STK32B: variants seen among roughly 807,000 people sequenced by gnomAD.
The protein encoded by STK32B is serine/threonine kinase 32B.
Under a neutral mutation model 52.6 loss-of-function variants are expected in STK32B, and 43 were observed. The observed-to-expected ratio is 0.82, with a 90% CI of 0.64 to 1.05. The LOEUF (loss-of-function observed/expected upper bound fraction) is 1.05, where lower values mean the gene tolerates loss of function less well. Ranked by LOEUF, STK32B falls within the 50% of genes least tolerant of loss-of-function variation. STK32B has a pLI of 0.00. For synonymous variants in STK32B, 238 were observed against 204.3 expected (o/e 1.17, Z -1.41); for missense variants, 621 against 534.6 (o/e 1.16, Z -1.59).
chr4:5,234,656 GTTGT>G lies in STK32B; in HGVS notation c.260+66209_260+66212del, dbSNP rs573306371. On this transcript the variant is annotated intron_variant, in intron 3 of 11. Coordinates refer to ENST00000282908, the MANE Select transcript of STK32B (RefSeq NM_018401.3). ...GATTCTTTTCACTCTTACAGACTTTGTTGTTTATTTTTTCTGAGCACGTTTACCT... is the reference window on the plus strand; with the variant it reads ...GATTCTTTTCACTCTTACAGACTTTGTTATTTTTTCTGAGCACGTTTACCT... Among the ~76,000 whole-genome samples the G allele has an allele frequency of 2.4e-4, 37 of 152,320 alleles. 1 individual carries two copies. The East Asian group carries it at 5.2e-3, about 21-fold the overall frequency.
chr4:5,161,017 C>T (rs1718398506), intron 2 of STK32B, among the ~76,000 whole-genome samples: 1 of 152,232 alleles, frequency 6.6e-6, no homozygotes, highest in Non-Finnish European at 1.5e-5. Flanking sequence ...CTGAGGCCAG[C>T]CCACTTAGGG....
intron 1 of STK32B, among the ~76,000 whole-genome samples, chr4:5,097,085 T>A (rs955501702): frequency 2.6e-5 from 4 of 152,234 alleles, no homozygotes; most frequent in African/African-American, 9.6e-5. Flanking sequence ...ACTTTGATTC[T>A]TCTTCTTGTC....
Position 5,187,043 on chromosome 4 carries a change from T to A in STK32B, c.260+18593T>A, listed in dbSNP as rs1209369637. 2.0e-5 allele frequency among the ~76,000 whole-genome samples: 3 copies of A among 152,188 alleles called. No individual in the cohort carries two copies. In the South Asian group the frequency reaches 6.2e-4, roughly 32 times the overall value. On this transcript the variant is annotated intron_variant, in intron 3 of 11. Coordinates refer to ENST00000282908, the MANE Select transcript of STK32B (RefSeq NM_018401.3). ...AGGACACGCAGTACAAAAACAGGAA[T>A]TGGGGAAAACACAGCTGGGCTTGGG...
intron 3 of STK32B, among the ~76,000 whole-genome samples, chr4:5,202,304 C>T (rs1300344141): frequency 6.6e-6 from 1 of 152,278 alleles, no homozygotes; most frequent in African/African-American, 2.4e-5. Context: ...AAAGGTTGGG[C>T]TCCCAAGGCC....
At chr4:5,171,809 A>G (rs180839777) in intron 3 of STK32B, among the ~76,000 whole-genome samples, 21,561 of 140,910 alleles carry the variant, frequency 0.15, 2,343 homozygotes, top group East Asian at 0.26. Context: ...TTGGTTCCAT[A>G]TGAACTTTAA....
intron 7 of STK32B, among the ~76,000 whole-genome samples, chr4:5,450,072 T>C (rs952498145): frequency 2.6e-5 from 4 of 152,188 alleles, no homozygotes; most frequent in Admixed American, 2.6e-4. Flanking sequence ...GCCAAAAATA[T>C]TGGGAATCAC....
intron 3 of STK32B, among the ~76,000 whole-genome samples, chr4:5,306,266 T>C (rs79811036): frequency 1.3e-5 from 2 of 152,130 alleles, no homozygotes; most frequent in Non-Finnish European, 2.9e-5. Context: ...TTGTGGACTT[T>C]CTGTCTTGAT....
At position 5,463,620 on chromosome 4, in the gene STK32B, C is replaced by T. The variant is rs1209272431; in HGVS notation, c.910-3083C>T. Among the ~76,000 whole-genome samples the T allele has an allele frequency of 2.6e-5, 4 of 152,232 alleles. No homozygotes were observed. In the Middle Eastern group the frequency reaches 0.014, roughly 518 times the overall value. ...TCACATATATACTCACCCACACACA[C>T]CTTCACACACATGCACACTCCCATA... On this transcript the variant is annotated intron_variant, in intron 9 of 11. Coordinates refer to ENST00000282908, the MANE Select transcript of STK32B (RefSeq NM_018401.3).
intron 2 of STK32B, among the ~76,000 whole-genome samples, chr4:5,144,816 C>T (rs1478171702): frequency 6.6e-6 from 1 of 152,160 alleles, no homozygotes; most frequent in African/African-American, 2.4e-5. Flanking sequence ...ATCCATCCAT[C>T]CATCCATCCA....
chr4:5,153,745 T>TCTC, intron 2 of STK32B, among the ~76,000 whole-genome samples: 1 of 152,252 alleles, frequency 6.6e-6, no homozygotes, highest in East Asian at 1.9e-4. Flanking sequence ...AACAGAACTG[T>TCTC]CTCTATTCAC....
chr4:5,498,525 G>A (rs1720473424), intron 11 of STK32B, among the ~76,000 whole-genome samples: 1 of 152,146 alleles, frequency 6.6e-6, no homozygotes, highest in South Asian at 2.1e-4. Context: ...AGGCATGGTG[G>A]CTGGTACACT....
intron 1 of STK32B, among the ~76,000 whole-genome samples, chr4:5,130,603 A>T (rs557129089): frequency 3.2e-4 from 49 of 152,236 alleles, no homozygotes; most frequent in Non-Finnish European, 6.2e-4. Context: ...CTGTTGTCCA[A>T]AATAACCCCT....
In STK32B at chr4:5,446,757, A is replaced by G. The variant is rs1049312912; in HGVS notation, c.647A>G (p.Tyr216Cys). 3 of 1,614,006 alleles carry G rather than the reference A, an allele frequency of 1.9e-6. No homozygotes were observed. The highest frequency in any genetic ancestry group is 2.5e-6 in the Non-Finnish European group (3 of 1,179,954). Residue 216 changes from tyrosine (Y) to cysteine (C), a missense_variant, in exon 7 of 12, where the codon TAT becomes TGT. Tyr to Cys is a radical substitution (Grantham distance 194). Coordinates refer to ENST00000282908, the MANE Select transcript of STK32B (RefSeq NM_018401.3). ...VDWWSLGITA[Y>C]ELLRGWRPYE... Reference sequence around the variant, plus strand: ...TGGTGGTCCCTGGGCATCACAGCCTATGAGCTGCTGCGGGGCTGGGTAAGA... The same window carrying G: ...TGGTGGTCCCTGGGCATCACAGCCTGTGAGCTGCTGCGGGGCTGGGTAAGA...
At chr4:5,274,651 C>A (rs78328604) in intron 3 of STK32B, among the ~76,000 whole-genome samples, 2 of 152,078 alleles carry the variant, frequency 1.3e-5, no homozygotes, top group African/African-American at 4.8e-5. Flanking sequence ...GCATATAAAC[C>A]CCGGCATTGG....
chr4:5,316,807 ATAT>A (rs1730877090), intron 3 of STK32B, among the ~76,000 whole-genome samples: 1 of 12,396 alleles, frequency 8.1e-5, no homozygotes, highest in Non-Finnish European at 1.1e-4. Flanking sequence ...TATATTATAT[ATAT>A]TATATATTAT....
intron 3 of STK32B, among the ~76,000 whole-genome samples, chr4:5,236,903 A>T (rs976470582): frequency 6.6e-6 from 1 of 152,148 alleles, no homozygotes; most frequent in African/African-American, 2.4e-5. Context: ...CCAAATGTAG[A>T]ATTACTGGGT....
intron 3 of STK32B, among the ~76,000 whole-genome samples, chr4:5,312,949 C>T (rs1192372145): frequency 6.6e-6 from 1 of 151,976 alleles, no homozygotes; most frequent in African/African-American, 2.4e-5. Context: ...CTCTCCAGCA[C>T]CTGTGCATAC....
intron 3 of STK32B, among the ~76,000 whole-genome samples, chr4:5,263,275 C>A (rs1052145400): frequency 1.3e-5 from 2 of 152,208 alleles, no homozygotes; most frequent in African/African-American, 4.8e-5. Flanking sequence ...CCATATAATT[C>A]ATATGTAGCA....
intron 3 of STK32B, among the ~76,000 whole-genome samples, chr4:5,249,135 C>A (rs577092943): frequency 6.6e-6 from 1 of 152,186 alleles, no homozygotes; most frequent in East Asian, 1.9e-4. Context: ...TTGCAGTGTG[C>A]TAACACCATT....
Sources: allele counts gnomAD v4.1 joint callset (sites outside exome capture counted in the v4.1 genomes callset), GRCh38; gene constraint gnomAD v4.1.1; transcripts MANE v1.5; gene names NCBI Gene and HGNC (gene_info 2026-07-23, HGNC 2026-07-21).